Variants in ST8SIA1 observed in about 807,000 individuals in gnomAD.
ST8SIA1 encodes ST8 alpha-N-acetyl-neuraminide alpha-2,8-sialyltransferase 1, also known as alpha-N-acetylneuraminide alpha-2,8-sialyltransferase.
Under a neutral mutation model 35.9 loss-of-function variants are expected in ST8SIA1, and 16 were observed. The ratio of observed to expected loss-of-function variants is 0.45; its 90% CI spans 0.30 to 0.68. The LOEUF (loss-of-function observed/expected upper bound fraction) is 0.68. Among genes scored for constraint, ST8SIA1 ranks in the 30% least tolerant of loss-of-function variants. The pLI, the probability that ST8SIA1 is intolerant of heterozygous loss-of-function variation, is 0.09. For synonymous variants in ST8SIA1, 170 were observed against 169.6 expected, an observed-to-expected ratio of 1.00 and a Z score of -0.02; for missense variants, 383 against 453.6, an observed-to-expected ratio of 0.84 and a Z score of 1.41.
At chr12:22,320,144 T>A (rs1866567384) in intron 1 of ST8SIA1, among the ~76,000 whole-genome samples, 1 of 152,176 alleles carries the variant, frequency 6.6e-6, no homozygotes. Context: ...TTATCACATG[T>A]ACCCCAAAGC....
Position 22,193,945 on chromosome 12 carries a change from A to C in ST8SIA1, c.*7607T>G, listed in dbSNP as rs1212334023. On this transcript the variant is annotated 3_prime_UTR_variant, in exon 5 of 5. Coordinates refer to ENST00000396037, the MANE Select transcript of ST8SIA1 (RefSeq NM_003034.4). Reference sequence around the variant, plus strand: ...GAAATAGTTTGCACACATGTGGAATAATATTAAAATGTGCCATAATAGAAT... The same window carrying C: ...GAAATAGTTTGCACACATGTGGAATCATATTAAAATGTGCCATAATAGAAT... The C allele has an allele frequency of 1.3e-5, 2 of 152,206 alleles. No individual in the cohort carries two copies. The highest frequency in any genetic ancestry group is 2.9e-5 in the Non-Finnish European group (2 of 68,034). 9.4% of individuals were successfully genotyped at this position (152,206 alleles called of 1,614,324 possible).
intron 2 of ST8SIA1, among the ~76,000 whole-genome samples, chr12:22,278,219 T>C (rs1865993959): frequency 6.6e-6 from 1 of 152,264 alleles, no homozygotes; most frequent in African/African-American, 2.4e-5. Flanking sequence ...AATTTAATTC[T>C]AACCTTGATG....
intron 3 of ST8SIA1, among the ~76,000 whole-genome samples, chr12:22,254,632 T>C (rs182295724): frequency 2.6e-5 from 4 of 152,362 alleles, no homozygotes; most frequent in Non-Finnish European, 4.4e-5. Context: ...TGCAGGCTGC[T>C]GCCCCTACAA....
rs576873251 is a variant in ST8SIA1 at position 22,228,480 on chromosome 12, A to G, written c.584+20526T>C. On this transcript the variant is annotated intron_variant, in intron 4 of 4. Coordinates refer to ENST00000396037, the MANE Select transcript of ST8SIA1 (RefSeq NM_003034.4). ...TTTAATTTAAAAGTTGGAATACAAC[A>G]TTTCACCAGAATGGCACATACTAAC... Among the ~76,000 whole-genome samples, 6 of 152,338 alleles carry G rather than the reference A, an allele frequency of 3.9e-5. No homozygotes were observed. The South Asian group carries it at 1.2e-3, about 32-fold the overall frequency.
chr12:22,225,873 A>T (rs1403687903), intron 4 of ST8SIA1, among the ~76,000 whole-genome samples: 1 of 152,116 alleles, frequency 6.6e-6, no homozygotes, highest in Non-Finnish European at 1.5e-5. Flanking sequence ...CCAACTCCAC[A>T]TTAACATCAC....
chr12:22,247,190 A>G (rs1250709663), intron 4 of ST8SIA1, among the ~76,000 whole-genome samples: 1 of 148,324 alleles, frequency 6.7e-6, no homozygotes, highest in East Asian at 2.0e-4. Flanking sequence ...ATTCTTTTTC[A>G]CATTCCTTTT....
chr12:22,253,339 C>G (rs913882973), intron 3 of ST8SIA1, among the ~76,000 whole-genome samples: 3 of 152,176 alleles, frequency 2.0e-5, no homozygotes, highest in East Asian at 1.9e-4. Flanking sequence ...CTCACCTATT[C>G]ATGCTCTCTA....
chr12:22,245,111 C>T (rs1328325273), intron 4 of ST8SIA1, among the ~76,000 whole-genome samples: 1 of 152,164 alleles, frequency 6.6e-6, no homozygotes, highest in Non-Finnish European at 1.5e-5. Context: ...AGCTTCTTTG[C>T]TATTCTCGGC....
intron 1 of ST8SIA1, among the ~76,000 whole-genome samples, chr12:22,320,830 A>C (rs1013138496): frequency 2.0e-5 from 3 of 150,732 alleles, no homozygotes; most frequent in African/African-American, 4.9e-5. Flanking sequence ...CCTAAAAAAA[A>C]GAAAAGAAAA....
At chr12:22,260,325 C>CTATTTTTTG (rs1048843804) in intron 2 of ST8SIA1, among the ~76,000 whole-genome samples, 11 of 152,052 alleles carry the variant, frequency 7.2e-5, no homozygotes, top group African/African-American at 2.4e-4. Context: ...CCACACACAG[C>CTATTTTTTG]TATTTTTTGT....
chr12:22,249,396 A>T (rs776410122), intron 3 of ST8SIA1, among the ~76,000 whole-genome samples: 1 of 151,334 alleles, frequency 6.6e-6, no homozygotes. Flanking sequence ...TTTTTTTTGT[A>T]TTTTTAGTAG....
At chr12:22,228,175 C>T (rs1019041891) in intron 4 of ST8SIA1, among the ~76,000 whole-genome samples, 5 of 152,344 alleles carry the variant, frequency 3.3e-5, no homozygotes, top group African/African-American at 9.6e-5. Flanking sequence ...AGGGCATGGC[C>T]CTAGCCAGCT....
At chr12:22,283,480 C>A (rs73084976) in intron 2 of ST8SIA1, among the ~76,000 whole-genome samples, 1,834 of 152,200 alleles carry the variant, frequency 0.012, 31 homozygotes, top group Non-Finnish European at 0.014. Flanking sequence ...GAGCTGGTCC[C>A]AACCCAGGGG....
intron 4 of ST8SIA1, among the ~76,000 whole-genome samples, chr12:22,205,312 A>G (rs1174899923): frequency 6.6e-6 from 1 of 152,204 alleles, no homozygotes; most frequent in Non-Finnish European, 1.5e-5. Context: ...TTAAAAATAA[A>G]AAAGAAATCA....
chr12:22,285,051 A>C (rs3782524), intron 2 of ST8SIA1, among the ~76,000 whole-genome samples: 31,601 of 152,188 alleles, frequency 0.21, 3,301 homozygotes, highest in Middle Eastern at 0.32. Context: ...CATACATAGA[A>C]TATCCTGTGG....
intron 1 of ST8SIA1, among the ~76,000 whole-genome samples, chr12:22,302,473 C>T (rs539161489): frequency 8.5e-4 from 130 of 152,238 alleles, no homozygotes; most frequent in Admixed American, 2.7e-3. Flanking sequence ...TTTCTCCCTT[C>T]CTCCCCTATT....
chr12:22,312,713 G>GA (rs63016160), intron 1 of ST8SIA1, among the ~76,000 whole-genome samples: 4,533 of 103,378 alleles, frequency 0.044, 193 homozygotes, highest in African/African-American at 0.12. Context: ...TCACGGAAAT[G>GA]AAAAAAAAAA....
At chr12:22,275,215 G>A (rs1193901498) in intron 2 of ST8SIA1, among the ~76,000 whole-genome samples, 2 of 152,164 alleles carry the variant, frequency 1.3e-5, no homozygotes, top group African/African-American at 2.4e-5. Context: ...ACGAAAAAAC[G>A]AATTGTTCTG....
At chr12:22,254,529 C>G (rs1191782493) in intron 3 of ST8SIA1, among the ~76,000 whole-genome samples, 1 of 152,158 alleles carries the variant, frequency 6.6e-6, no homozygotes, top group Non-Finnish European at 1.5e-5. Flanking sequence ...TCCCTCTCAC[C>G]CAGATAATCC....
Sources: gnomAD v4.1 joint callset for allele counts (sites outside exome capture counted in the v4.1 genomes callset) on GRCh38, gnomAD v4.1.1 for gene constraint, MANE v1.5 for transcripts, NCBI Gene and HGNC (gene_info 2026-07-23, HGNC 2026-07-21) for gene names.